The following PRKD1 variants were observed in gnomAD, a reference collection of about 807,000 sequenced individuals.
PRKD1 encodes serine/threonine-protein kinase D1.
PRKD1 carries 63 observed loss-of-function variants against 95.9 expected under a neutral mutation model. The observed-to-expected ratio is 0.66, with a 90% confidence interval of 0.54 to 0.81. PRKD1 has a LOEUF of 0.81. Ranked by LOEUF, PRKD1 falls within the 30% of genes least tolerant of loss-of-function variation. The probability of loss-of-function intolerance (pLI) is 0.00; values close to 1 mark genes in which losing one functional copy is unlikely to be tolerated. For missense variants in PRKD1, 1,048 were observed against 1,165.3 expected (o/e 0.90, Z 1.47); for synonymous variants, 425 against 423.1 (o/e 1.00, Z -0.05).
At chr14:29,891,455 A>C (rs1160658475) in intron 1 of PRKD1, among the ~76,000 whole-genome samples, 1 of 152,118 alleles carries the variant, frequency 6.6e-6, no homozygotes, top group Non-Finnish European at 1.5e-5. Context: ...GCACTATGTC[A>C]CTATTGCAGG....
chr14:29,868,560 AT>A (rs1485270578), intron 1 of PRKD1, among the ~76,000 whole-genome samples: 2 of 152,090 alleles, frequency 1.3e-5, no homozygotes, highest in African/African-American at 2.4e-5. Context: ...CCTTCACTGC[AT>A]TTTTTTCATT....
intron 1 of PRKD1, among the ~76,000 whole-genome samples, chr14:29,919,966 AAG>A (rs149379765): frequency 1.5e-3 from 210 of 139,564 alleles, no homozygotes; most frequent in Middle Eastern, 3.5e-3. Flanking sequence ...GACCCTGAGA[AAG>A]AGAGAGAGAG....
chr14:29,755,943 A>T (rs12323475), intron 1 of PRKD1, among the ~76,000 whole-genome samples: 14,040 of 152,072 alleles, frequency 0.092, 795 homozygotes, highest in East Asian at 0.22. Flanking sequence ...TAACATGGAG[A>T]TTTACCTATT....
At chr14:29,640,466 C>A (rs1880685675) in intron 4 of PRKD1, among the ~76,000 whole-genome samples, 1 of 152,142 alleles carries the variant, frequency 6.6e-6, no homozygotes, top group Non-Finnish European at 1.5e-5. Context: ...ATTAGGCCTA[C>A]AGTTACATTC....
At position 29,578,630 on chromosome 14, in the gene PRKD1, C is replaced by T. The variant is rs922235660; in HGVS notation, c.2435-270G>A. Reference sequence around the variant, plus strand: ...AGAGTCTATTGTATGATATGAATTTCAATTGGTCTACTCTTTAACACTTTC... The same window carrying T: ...AGAGTCTATTGTATGATATGAATTTTAATTGGTCTACTCTTTAACACTTTC... On this transcript the variant is annotated intron_variant, in intron 16 of 17. Transcript: ENST00000331968. 3.1e-4 allele frequency among the ~76,000 whole-genome samples: 45 copies of T among 143,532 alleles called. No homozygotes were observed. In the South Asian group the frequency reaches 4.1e-3, roughly 13 times the overall value. 94.2% of individuals were successfully genotyped at this position (143,532 alleles called of 152,430 possible). A position where few individuals can be genotyped will look rare whatever the true frequency, so the allele number is the denominator to read the frequency against.
chr14:29,617,241 A>C (rs890873010), intron 13 of PRKD1, among the ~76,000 whole-genome samples: 4 of 152,010 alleles, frequency 2.6e-5, no homozygotes, highest in African/African-American at 9.7e-5. Context: ...TCCTATTGTG[A>C]GTTGTGAGTT....
At chr14:29,699,066 A>C (rs1322283145) in intron 2 of PRKD1, among the ~76,000 whole-genome samples, 3 of 152,202 alleles carry the variant, frequency 2.0e-5, no homozygotes, top group Non-Finnish European at 4.4e-5. Flanking sequence ...ATTTAATGGC[A>C]ATGACATATC....
At chr14:29,665,961 C>A in intron 3 of PRKD1, 116 bp downstream of exon 3, 1 of 1,145,426 alleles carries the variant, frequency 8.7e-7, no homozygotes, top group Non-Finnish European at 1.2e-6. Flanking sequence ...TTTTCTTTAT[C>A]CACTCATTGG....
At chr14:29,815,373 G>C (rs543002613) in intron 1 of PRKD1, among the ~76,000 whole-genome samples, 2 of 152,122 alleles carry the variant, frequency 1.3e-5, no homozygotes, top group Non-Finnish European at 2.9e-5. Flanking sequence ...CTCCATTCCA[G>C]ACGATCAAAA....
chr14:29,745,410 C>T (rs1337606068), intron 1 of PRKD1, among the ~76,000 whole-genome samples: 3 of 152,040 alleles, frequency 2.0e-5, no homozygotes, highest in East Asian at 1.9e-4. Context: ...AATAAATGAA[C>T]GAATAAGTCA....
chr14:29,789,032 G>C (rs1325689769), intron 1 of PRKD1, among the ~76,000 whole-genome samples: 1 of 152,024 alleles, frequency 6.6e-6, no homozygotes, highest in Non-Finnish European at 1.5e-5. Context: ...GACTATAGGT[G>C]TGCGCTACTA....
chr14:29,870,771 T>C (rs549936026), intron 1 of PRKD1, among the ~76,000 whole-genome samples: 2 of 152,194 alleles, frequency 1.3e-5, no homozygotes, highest in South Asian at 4.1e-4. Flanking sequence ...TATTTAAAAC[T>C]CAGTGTAATA....
At chr14:29,822,831 A>G (rs1283426893) in intron 1 of PRKD1, among the ~76,000 whole-genome samples, 1 of 152,192 alleles carries the variant, frequency 6.6e-6, no homozygotes, top group Non-Finnish European at 1.5e-5. Flanking sequence ...AAATACTCCC[A>G]CAGTTCTTAG....
chr14:29,637,373 A>C (rs1880455674), intron 6 of PRKD1, among the ~76,000 whole-genome samples: 2 of 152,214 alleles, frequency 1.3e-5, no homozygotes, highest in African/African-American at 4.8e-5. Context: ...GCAAAAATTA[A>C]AATTACTTAC....
At chr14:29,640,448 A>G (rs935238828) in intron 4 of PRKD1, among the ~76,000 whole-genome samples, 8 of 152,258 alleles carry the variant, frequency 5.3e-5, no homozygotes, top group African/African-American at 1.7e-4. Context: ...GAAGTTCTAC[A>G]CAGGAATATT....
intron 1 of PRKD1, among the ~76,000 whole-genome samples, chr14:29,906,530 A>G (rs1468890567): frequency 6.9e-6 from 1 of 144,514 alleles, no homozygotes; most frequent in Non-Finnish European, 1.5e-5. Flanking sequence ...TATCAATTTA[A>G]CCAAAAAAAA....
intron 1 of PRKD1, among the ~76,000 whole-genome samples, chr14:29,809,743 C>T (rs1890400325): frequency 6.6e-6 from 1 of 152,160 alleles, no homozygotes; most frequent in Non-Finnish European, 1.5e-5. Flanking sequence ...CTATCCAGAC[C>T]ACTAAAACTT....
intron 1 of PRKD1, among the ~76,000 whole-genome samples, chr14:29,919,948 TA>T (rs1411496289): frequency 6.9e-6 from 1 of 144,084 alleles, no homozygotes; most frequent in Non-Finnish European, 1.5e-5. Context: ...CCTGAGTGAC[TA>T]AAGTGAGACC....
chr14:29,829,200 A>G (rs1891310472), intron 1 of PRKD1, among the ~76,000 whole-genome samples: 1 of 152,194 alleles, frequency 6.6e-6, no homozygotes, highest in South Asian at 2.1e-4. Context: ...GACCCAAGGC[A>G]TCATGGAATA....
Sources: gnomAD v4.1 joint callset for allele counts (sites outside exome capture counted in the v4.1 genomes callset) on GRCh38, gnomAD v4.1.1 for gene constraint, MANE v1.5 for transcripts, NCBI Gene and HGNC (gene_info 2026-07-23, HGNC 2026-07-21) for gene names.